Variants in RGSL1 observed in about 807,000 individuals in gnomAD.
The protein encoded by RGSL1 is regulator of G protein signaling like 1.
In RGSL1, 97 loss-of-function variants were observed where a neutral mutation model predicts 124.7. The observed-to-expected ratio is 0.78, with a 90% CI of 0.66 to 0.92. RGSL1 has a LOEUF of 0.92. Ranked by LOEUF, RGSL1 falls within the 40% of genes least tolerant of loss-of-function variation. RGSL1 has a pLI of 0.00. For synonymous variants in RGSL1, 424 were observed against 438.1 expected (o/e 0.97, Z 0.40); for missense variants, 1,233 against 1,288.4 (o/e 0.96, Z 0.66).
intron 15 of RGSL1, among the ~76,000 whole-genome samples, chr1:182,544,623 C>A (rs1039865602): frequency 6.6e-6 from 1 of 151,874 alleles, no homozygotes; most frequent in Admixed American, 6.6e-5. Flanking sequence ...GTATTGCAAC[C>A]TTTTTCTCCC....
intron 21 of RGSL1, among the ~76,000 whole-genome samples, chr1:182,558,789 C>T (rs1481148792): frequency 6.6e-6 from 1 of 152,162 alleles, no homozygotes; most frequent in Non-Finnish European, 1.5e-5. Context: ...CTCCCAACTC[C>T]CTTTTAAGGG....
intron 2 of RGSL1, among the ~76,000 whole-genome samples, chr1:182,454,395 T>C (rs1652111620): frequency 6.6e-6 from 1 of 152,154 alleles, no homozygotes; most frequent in Non-Finnish European, 1.5e-5. Context: ...GAACCTCTCC[T>C]TGGGCTGTGT....
intron 6 of RGSL1, among the ~76,000 whole-genome samples, chr1:182,485,787 AG>A (rs1345477045): frequency 3.9e-5 from 6 of 152,316 alleles, no homozygotes; most frequent in South Asian, 2.1e-4. Flanking sequence ...CCAGCAAGCT[AG>A]GGATGGTTTA....
chr1:182,465,622 A>C (rs1421203056), intron 4 of RGSL1, among the ~76,000 whole-genome samples: 1 of 152,136 alleles, frequency 6.6e-6, no homozygotes, highest in African/African-American at 2.4e-5. Context: ...AATAATAATA[A>C]AAATCTGAGT....
At chr1:182,489,238 A>T (rs922577431) in intron 8 of RGSL1, 36 bp downstream of exon 8, 7 of 1,466,938 alleles carry the variant, frequency 4.8e-6, no homozygotes, top group Non-Finnish European at 6.5e-6. Flanking sequence ...TGACCTTTAC[A>T]TATGGGCAAC....
chr1:182,493,672 G>C (rs545588709), intron 9 of RGSL1, among the ~76,000 whole-genome samples: 1 of 152,156 alleles, frequency 6.6e-6, no homozygotes, highest in African/African-American at 2.4e-5. Flanking sequence ...ATTGATCCAC[G>C]GGAGATGTGA....
chr1:182,523,517 AC>A (rs1214418988), intron 10 of RGSL1, among the ~76,000 whole-genome samples: 1 of 152,168 alleles, frequency 6.6e-6, no homozygotes, highest in African/African-American at 2.4e-5. Context: ...CTGTAGAAAT[AC>A]TTATTTTCCA....
chr1:182,548,578 C>A lies in RGSL1; in HGVS notation c.2809-122C>A. ...GGCTAACTACATATCCTTTACCTAG[C>A]AACTCCATGAAAACCGTATGCCTTT... is the stretch of plus-strand genomic sequence containing the variant. On this transcript the variant is annotated intron_variant, in intron 16 of 21. Transcript: ENST00000294854. 2.7e-6 allele frequency: 4 copies of A among 1,506,062 alleles called. No individual in the cohort carries two copies. The South Asian group carries it at 3.9e-5, about 15-fold the overall frequency. The allele number at this position is 1,506,062 out of a possible 1,614,324, so 93.3% of individuals were successfully genotyped here.
At chr1:182,475,997 G>A (rs1471069797) in intron 6 of RGSL1, among the ~76,000 whole-genome samples, 1 of 152,184 alleles carries the variant, frequency 6.6e-6, no homozygotes, top group Admixed American at 6.5e-5. Context: ...CAGAGAGTAA[G>A]TGAATTAGCC....
intron 1 of RGSL1, chr1:182,453,255 A>C (rs1651995038): frequency 6.6e-6 from 1 of 152,234 alleles, no homozygotes; most frequent in Admixed American, 6.5e-5. Flanking sequence ...ACCAAGTTGA[A>C]ATTTGACTGG....
chr1:182,458,292 T>C, intron 2 of RGSL1, 27 bp from the exon 3 acceptor site: 1 of 1,535,334 alleles, frequency 6.5e-7, no homozygotes. Flanking sequence ...TCTACTCCCT[T>C]GACTGTTTCC....
chr1:182,539,874 A>T (rs1027639683), intron 14 of RGSL1, among the ~76,000 whole-genome samples: 1 of 152,078 alleles, frequency 6.6e-6, no homozygotes, highest in East Asian at 1.9e-4. Context: ...TTTGCTCCTA[A>T]ATTACTTCCT....
chr1:182,546,347 CTT>C (rs56229530), intron 15 of RGSL1, among the ~76,000 whole-genome samples: 2,076 of 149,112 alleles, frequency 0.014, 41 homozygotes, highest in African/African-American at 0.043. Flanking sequence ...CTTTGTATAC[CTT>C]TTTTTTTTTT....
At chr1:182,530,723 C>T in intron 12 of RGSL1, 67 bp from the exon 13 acceptor site, 1 of 1,450,096 alleles carries the variant, frequency 6.9e-7, no homozygotes, top group Non-Finnish European at 9.1e-7. Context: ...GGTAGGTTTG[C>T]CTGGACTGTC....
intron 9 of RGSL1, among the ~76,000 whole-genome samples, chr1:182,493,622 A>G (rs1655692665): frequency 6.6e-6 from 1 of 152,232 alleles, no homozygotes; most frequent in Non-Finnish European, 1.5e-5. Flanking sequence ...GTTGTCCCTC[A>G]GTGAGGTAAG....
chr1:182,526,404 A>C (rs568276197), intron 10 of RGSL1, among the ~76,000 whole-genome samples: 75 of 152,306 alleles, frequency 4.9e-4, no homozygotes, highest in South Asian at 2.7e-3. Context: ...ATGGTGGCTC[A>C]TGCCTACAAT....
intron 13 of RGSL1, 86 bp downstream of exon 13, chr1:182,530,996 A>G: frequency 7.0e-7 from 1 of 1,435,106 alleles, no homozygotes. Context: ...CATTTTGCAA[A>G]GGAAGAATCT....
chr1:182,511,582 C>T (rs1458866597), intron 9 of RGSL1, among the ~76,000 whole-genome samples: 1 of 152,192 alleles, frequency 6.6e-6, no homozygotes, highest in Non-Finnish European at 1.5e-5. Flanking sequence ...GGATTTATAT[C>T]TGGGCTCTGT....
At chr1:182,537,546 T>C (rs944143977) in intron 14 of RGSL1, among the ~76,000 whole-genome samples, 7 of 152,256 alleles carry the variant, frequency 4.6e-5, no homozygotes, top group African/African-American at 1.7e-4. Context: ...CTATAAAATA[T>C]GCCTGAACTT....
Sources: allele counts gnomAD v4.1 joint callset (sites outside exome capture counted in the v4.1 genomes callset), GRCh38; gene constraint gnomAD v4.1.1; transcripts MANE v1.5; gene names NCBI Gene and HGNC (gene_info 2026-07-23, HGNC 2026-07-21).